KCNAB2: variants seen among roughly 807,000 people sequenced by gnomAD.
KCNAB2 encodes potassium voltage-gated channel subfamily A regulatory beta subunit 2.
Under a neutral mutation model 63.6 loss-of-function variants are expected in KCNAB2, and 29 were observed. That is an observed-to-expected ratio of 0.46 (90% CI 0.34 to 0.62). KCNAB2 has a LOEUF of 0.62. Among genes scored for constraint, KCNAB2 ranks in the 20% least tolerant of loss-of-function variants. The pLI, the probability that KCNAB2 is intolerant of heterozygous loss-of-function variation, is 0.01. For synonymous variants in KCNAB2, 222 were observed against 224.2 expected (o/e 0.99, Z 0.09); for missense variants, 359 against 563.9 (o/e 0.64, Z 3.68).
chr1:6,019,217 A>G (rs899985411), intron 1 of KCNAB2, among the ~76,000 whole-genome samples: 1 of 152,182 alleles, frequency 6.6e-6, no homozygotes, highest in Admixed American at 6.5e-5. Context: ...ACTTGAGCCC[A>G]GGAGTTCAAG....
At chr1:6,093,656 C>A (rs902616063) in intron 10 of KCNAB2, among the ~76,000 whole-genome samples, 1 of 152,234 alleles carries the variant, frequency 6.6e-6, no homozygotes, top group Non-Finnish European at 1.5e-5. Flanking sequence ...CCTGGCCCCT[C>A]ACAGGAGGAG....
chr1:6,085,085 C>A, intron 5 of KCNAB2, 119 bp from the exon 6 acceptor site: 1 of 1,039,502 alleles, frequency 9.6e-7, no homozygotes, highest in Non-Finnish European at 1.5e-6. Context: ...TGTTAACAGC[C>A]TGGCTCTCTG....
rs199576192 is a variant in KCNAB2, at chr1:6,095,634, C to G, written c.948+10C>G. ...AAGAGCCTCCTTGAAGGTGAAGGAACAGCCTGGTGGGGAGGGACGGGCAGG... is the reference window on the plus strand; with the variant it reads ...AAGAGCCTCCTTGAAGGTGAAGGAAGAGCCTGGTGGGGAGGGACGGGCAGG... On this transcript the variant is annotated intron_variant, in intron 13 of 15. Coordinates refer to ENST00000378083, the MANE Select transcript of KCNAB2 (RefSeq NM_001199862.2). 1.6e-5 allele frequency: 26 copies of G among 1,612,260 alleles called. No homozygotes were observed. Among genetic ancestry groups the G allele is most frequent in the Non-Finnish European group, 2.2e-5 (26 of 1,179,072 alleles).
Position 6,073,856 on chromosome 1 carries a change from A to C in KCNAB2, c.300+86A>C. ...AAGTCTGCCGCGTGGACCAGTGAGC[A>C]CGTGCTCCCGGGAGCCAGCGCAGCA... On this transcript the variant is annotated intron_variant, in intron 4 of 15. Transcript: ENST00000378083. The surrounding 1 kb of genome is among the most constrained non-coding windows in gnomAD (Gnocchi z 5.7). 1 of 1,395,130 alleles carries C rather than the reference A, an allele frequency of 7.2e-7. No individual in the cohort carries two copies. The highest frequency in any genetic ancestry group is 1.0e-6 in the Non-Finnish European group (1 of 983,422). 86.4% of individuals were successfully genotyped at this position (1,395,130 alleles called of 1,614,324 possible).
At chr1:6,092,416 G>A (rs547782326) in intron 10 of KCNAB2, among the ~76,000 whole-genome samples, 1 of 152,386 alleles carries the variant, frequency 6.6e-6, no homozygotes, top group South Asian at 2.1e-4. Flanking sequence ...GCAGCATGCG[G>A]TTTCACTGGC....
intron 4 of KCNAB2, 115 bp from the exon 5 acceptor site, chr1:6,082,080 G>T (rs1218586370): frequency 1.1e-5 from 9 of 814,858 alleles, no homozygotes. Context: ...AGCCTGTCGG[G>T]CCCGGGAGGG....
intron 1 of KCNAB2, among the ~76,000 whole-genome samples, chr1:6,038,094 G>A (rs1660201387): frequency 6.6e-6 from 1 of 151,388 alleles, no homozygotes. Context: ...AGCCAGGATG[G>A]TCTCGATCTC....
intron 2 of KCNAB2, among the ~76,000 whole-genome samples, chr1:6,066,296 TGCAGGGTGGGG>T (rs1212768202): frequency 1.3e-5 from 2 of 152,098 alleles, no homozygotes; most frequent in African/African-American, 2.4e-5. Context: ...CACACAGCTT[TGCAGGGTGGGG>T]GCTGACCTCC....
At position 6,074,686 on chromosome 1, in the gene KCNAB2, G is replaced by A. The variant is rs1329042197; in HGVS notation, c.300+916G>A. 5.9e-5 allele frequency among the ~76,000 whole-genome samples: 9 copies of A among 152,178 alleles called. No homozygotes were observed. Among genetic ancestry groups the A allele is most frequent in the East Asian group, 1.9e-4 (1 of 5,200 alleles). On this transcript the variant is annotated intron_variant, in intron 4 of 15. Coordinates refer to ENST00000378083, the MANE Select transcript of KCNAB2 (RefSeq NM_001199862.2). The surrounding 1 kb of genome is among the most constrained non-coding windows in gnomAD (Gnocchi z 4.9). ...TCTTTAAGACACTAGCTGGCCGGGC[G>A]CGGTGACTCACACCTGTAACCCCAG...
intron 4 of KCNAB2, among the ~76,000 whole-genome samples, chr1:6,079,110 G>A (rs921893701): frequency 1.3e-5 from 2 of 152,190 alleles, no homozygotes; most frequent in African/African-American, 4.8e-5. Flanking sequence ...GGTTTGACCG[G>A]AGCACAGGTG....
chr1:6,039,096 C>T (rs890517444), intron 1 of KCNAB2, among the ~76,000 whole-genome samples: 20 of 152,166 alleles, frequency 1.3e-4, no homozygotes, highest in Non-Finnish European at 2.8e-4. Flanking sequence ...TGGTGTCGGC[C>T]GGGGAGCAGC....
intron 2 of KCNAB2, among the ~76,000 whole-genome samples, chr1:6,067,561 G>C (rs1350555157): frequency 6.6e-6 from 1 of 152,176 alleles, no homozygotes; most frequent in Admixed American, 6.5e-5. Context: ...TGACTCTGGG[G>C]GTCCTGCATC....
At chr1:6,063,144 C>T (rs898703493) in intron 2 of KCNAB2, among the ~76,000 whole-genome samples, 2 of 151,878 alleles carry the variant, frequency 1.3e-5, no homozygotes, top group African/African-American at 4.8e-5. Context: ...CTCAGCCTCC[C>T]GAGTAGCTGG....
intron 1 of KCNAB2, among the ~76,000 whole-genome samples, chr1:6,048,510 G>A (rs1661124123): frequency 6.6e-6 from 1 of 152,226 alleles, no homozygotes; most frequent in Non-Finnish European, 1.5e-5. Flanking sequence ...AGCTGCCCCT[G>A]TCCAGAAGCT....
At chr1:6,091,414 T>C (rs1267593561) in intron 10 of KCNAB2, 107 bp downstream of exon 10, 16 of 824,762 alleles carry the variant, frequency 1.9e-5, no homozygotes, top group Admixed American at 4.7e-5. Flanking sequence ...AACTTCTCCA[T>C]AAAATGCATA....
intron 2 of KCNAB2, among the ~76,000 whole-genome samples, chr1:6,061,617 C>A (rs2100593458): frequency 6.6e-6 from 1 of 152,348 alleles, no homozygotes; most frequent in East Asian, 1.9e-4. Flanking sequence ...ACCAAAAATG[C>A]CTCCCTATGC....
intron 10 of KCNAB2, 54 bp downstream of exon 10, chr1:6,091,361 T>G: frequency 8.1e-7 from 1 of 1,237,946 alleles, no homozygotes; most frequent in Non-Finnish European, 1.1e-6. Context: ...CTGCATTTTA[T>G]GAGACAGTAT....
chr1:6,054,125 A>G (rs981960046), intron 2 of KCNAB2, among the ~76,000 whole-genome samples: 1 of 152,088 alleles, frequency 6.6e-6, no homozygotes, highest in Non-Finnish European at 1.5e-5. Context: ...AGATGGGGCA[A>G]TGGGGCCATA....
At position 6,094,489 on chromosome 1, in the gene KCNAB2, C is replaced by T. The variant is rs1169352757; in HGVS notation, c.732+4C>T. 8 of 1,605,754 alleles carry T rather than the reference C, an allele frequency of 5.0e-6. No homozygotes were observed. Among genetic ancestry groups the T allele is most frequent in the South Asian group, 4.5e-5 (4 of 89,870 alleles). On this transcript the variant is annotated splice_donor_region_variant and intron_variant, in intron 11 of 15. Transcript: ENST00000378083. ...CTGGAGCTCCATGGAGATCATGGTACGGTGGCCGCGCAGCATGTGTGTGTC... is the reference window on the plus strand; with the variant it reads ...CTGGAGCTCCATGGAGATCATGGTATGGTGGCCGCGCAGCATGTGTGTGTC...
Sources: allele counts gnomAD v4.1 joint callset (sites outside exome capture counted in the v4.1 genomes callset), GRCh38; gene constraint gnomAD v4.1.1; non-coding constraint Gnocchi (gnomAD v3.1); transcripts MANE v1.5; gene names NCBI Gene and HGNC (gene_info 2026-07-23, HGNC 2026-07-21).